The following SLC9C2 variants were observed in gnomAD, a reference collection of about 807,000 sequenced individuals.
The protein encoded by SLC9C2 is sodium/hydrogen exchanger 11.
Under a neutral mutation model 140.2 loss-of-function variants are expected in SLC9C2, and 75 were observed. The ratio of observed to expected loss-of-function variants is 0.53; its 90% CI spans 0.44 to 0.65. The LOEUF is 0.65. SLC9C2 is among the 30% of genes least tolerant of loss of function. The pLI is 0.00. For missense variants in SLC9C2, 1,074 were observed against 1,331.8 expected, an observed-to-expected ratio of 0.81 and a Z score of 3.01; for synonymous variants, 375 against 420.9, an observed-to-expected ratio of 0.89 and a Z score of 1.34.
In SLC9C2 at chr1:173,537,107, T is replaced by C. The variant is rs761097573; in HGVS notation, c.1558-68A>G. 59 of 1,212,608 alleles carry C rather than the reference T, an allele frequency of 4.9e-5. 1 individual carries two copies. The highest frequency in any genetic ancestry group is 1.6e-4 in the South Asian group (13 of 80,300). The allele number at this position is 1,212,608 out of a possible 1,614,324, so 75.1% of individuals were successfully genotyped here. On this transcript the variant is annotated intron_variant, in intron 13 of 27. Coordinates refer to ENST00000367714, the MANE Select transcript of SLC9C2 (RefSeq NM_178527.4). ...AATGGAATGTATTCTTCTTAACCCT[T>C]ACATAGCCCTCACTATTATTACTGA...
At chr1:173,533,204 G>A (rs1224696089) in intron 17 of SLC9C2, among the ~76,000 whole-genome samples, 1 of 152,122 alleles carries the variant, frequency 6.6e-6, no homozygotes, top group East Asian at 1.9e-4. Flanking sequence ...AAACAATGAG[G>A]TTTCTTACTC....
intron 9 of SLC9C2, among the ~76,000 whole-genome samples, chr1:173,557,784 T>C (rs1379290865): frequency 6.6e-6 from 1 of 152,150 alleles, no homozygotes; most frequent in East Asian, 1.9e-4. Context: ...TGGAATTGGG[T>C]AGTAAATGCT....
intron 10 of SLC9C2, among the ~76,000 whole-genome samples, chr1:173,555,760 C>T (rs1356973651): frequency 6.6e-6 from 1 of 152,046 alleles, no homozygotes; most frequent in Non-Finnish European, 1.5e-5. Context: ...CAGATCGGGC[C>T]CACAGATATA....
chr1:173,531,311 C>T (rs1661568943), intron 17 of SLC9C2, among the ~76,000 whole-genome samples: 1 of 152,190 alleles, frequency 6.6e-6, no homozygotes, highest in South Asian at 2.1e-4. Flanking sequence ...TGCCCACACT[C>T]TAAATGGATT....
intron 22 of SLC9C2, among the ~76,000 whole-genome samples, chr1:173,519,239 A>G (rs1044988092): frequency 6.6e-6 from 1 of 152,124 alleles, no homozygotes; most frequent in Admixed American, 6.5e-5. Context: ...ATGCAAGGAC[A>G]AAAGAGAAGC....
At chr1:173,539,852 G>A (rs1348839296) in intron 13 of SLC9C2, among the ~76,000 whole-genome samples, 1 of 152,092 alleles carries the variant, frequency 6.6e-6, no homozygotes, top group Non-Finnish European at 1.5e-5. Flanking sequence ...TCCTTCCATG[G>A]GATTGTTGGT....
At chr1:173,577,642 G>T (rs1476298043) in intron 7 of SLC9C2, among the ~76,000 whole-genome samples, 3 of 152,048 alleles carry the variant, frequency 2.0e-5, no homozygotes, top group Non-Finnish European at 4.4e-5. Context: ...TAGTGGCCCC[G>T]TAACTATAAA....
intron 13 of SLC9C2, among the ~76,000 whole-genome samples, chr1:173,547,267 GA>G (rs1662915884): frequency 6.6e-6 from 1 of 151,672 alleles, no homozygotes; most frequent in South Asian, 2.1e-4. Context: ...CATTTCAAGA[GA>G]ATTTTTGATT....
At chr1:173,598,195 G>T (rs1226126968) in intron 3 of SLC9C2, among the ~76,000 whole-genome samples, 163 bp from the exon 4 acceptor site, 1 of 152,140 alleles carries the variant, frequency 6.6e-6, no homozygotes. Context: ...TAGATTTCTT[G>T]ATCTAGCCAT....
At chr1:173,532,866 G>A (rs961823501) in intron 17 of SLC9C2, among the ~76,000 whole-genome samples, 6 of 152,146 alleles carry the variant, frequency 3.9e-5, no homozygotes, top group Non-Finnish European at 7.3e-5. Flanking sequence ...GGACAATAAA[G>A]TGAGATCCCA....
At chr1:173,512,500 T>G (rs1007420182) in intron 23 of SLC9C2, among the ~76,000 whole-genome samples, 3 of 152,198 alleles carry the variant, frequency 2.0e-5, no homozygotes, top group Non-Finnish European at 4.4e-5. Flanking sequence ...GCATGTTGAT[T>G]TTGTATCCTG....
At chr1:173,511,542 G>A (rs1660057937) in intron 23 of SLC9C2, among the ~76,000 whole-genome samples, 1 of 152,098 alleles carries the variant, frequency 6.6e-6, no homozygotes, top group Admixed American at 6.5e-5. Flanking sequence ...GTTCCTTGTA[G>A]ATTCCGGATA....
chr1:173,503,550 A>G (rs10912626), intron 26 of SLC9C2, among the ~76,000 whole-genome samples: 29,911 of 152,106 alleles, frequency 0.2, 4,236 homozygotes, highest in East Asian at 0.65. Flanking sequence ...CAGATCACGT[A>G]AACAGTTGAA....
chr1:173,506,784 T>G (rs1659669752), intron 25 of SLC9C2, 72 bp downstream of exon 25: 3 of 1,256,572 alleles, frequency 2.4e-6, no homozygotes, highest in Non-Finnish European at 3.3e-6. Flanking sequence ...TTTAAGGTGA[T>G]CAGTTGAGTT....
At chr1:173,551,741 G>A (rs993215814) in intron 11 of SLC9C2, among the ~76,000 whole-genome samples, 5 of 151,950 alleles carry the variant, frequency 3.3e-5, no homozygotes, top group African/African-American at 1.2e-4. Context: ...TCTCTCTCTC[G>A]CTCTCTCCTT....
At chr1:173,523,918 A>C (rs747949441) in intron 21 of SLC9C2, 51 bp downstream of exon 21, 28 of 1,568,700 alleles carry the variant, frequency 1.8e-5, no homozygotes, top group Non-Finnish European at 2.4e-5. Flanking sequence ...AGTGGAAAAA[A>C]ATGGATAATT....
intron 17 of SLC9C2, 87 bp downstream of exon 17, chr1:173,533,522 C>T (rs1050476449): frequency 2.1e-6 from 2 of 972,228 alleles, no homozygotes; most frequent in African/African-American, 3.3e-5. Flanking sequence ...AAGCAATCCA[C>T]CCACCTAGGC....
intron 14 of SLC9C2, 76 bp downstream of exon 14, chr1:173,536,866 A>G: frequency 9.7e-7 from 1 of 1,028,710 alleles, no homozygotes; most frequent in South Asian, 1.4e-5. Flanking sequence ...CAGGACATTT[A>G]ATTCTCATTT....
intron 4 of SLC9C2, among the ~76,000 whole-genome samples, chr1:173,588,912 A>G (rs1486506183): frequency 2.0e-5 from 3 of 150,796 alleles, no homozygotes; most frequent in Non-Finnish European, 4.4e-5. Context: ...CACCTCTACA[A>G]AAAAAAAAAT....
Sources: gnomAD v4.1 joint callset for allele counts (sites outside exome capture counted in the v4.1 genomes callset) on GRCh38, gnomAD v4.1.1 for gene constraint, MANE v1.5 for transcripts, NCBI Gene and HGNC (gene_info 2026-07-23, HGNC 2026-07-21) for gene names.